Variants in EXOC7 observed in about 807,000 individuals in gnomAD.
The protein encoded by EXOC7 is exocyst complex component Exo70.
Under a neutral mutation model 87.6 loss-of-function variants are expected in EXOC7, and 51 were observed. That is an observed-to-expected ratio of 0.58 (90% CI 0.46 to 0.73). The LOEUF (loss-of-function observed/expected upper bound fraction) is 0.73, where lower values mean the gene tolerates loss of function less well. Among genes scored for constraint, EXOC7 ranks in the 30% least tolerant of loss-of-function variants. The pLI, the probability that EXOC7 is intolerant of heterozygous loss-of-function variation, is 0.00. For synonymous variants in EXOC7, 327 were observed against 357.1 expected (o/e 0.92, Z 0.95); for missense variants, 744 against 888.4 (o/e 0.84, Z 2.07).
Position 76,083,998 on chromosome 17 carries a change from G to T in EXOC7, c.1952+8C>A. The T allele has an allele frequency of 6.4e-7, 1 of 1,556,242 alleles. No homozygotes were observed. The highest frequency in any genetic ancestry group is 8.7e-7 in the Non-Finnish European group (1 of 1,155,664). ...CAGCACAGGCTGGGAGGGGAATGGA[G>T]GCCTCACTTCTGTAGAAAGGCCCCG... is the stretch of plus-strand genomic sequence containing the variant. On this transcript the variant is annotated splice_region_variant and intron_variant, in intron 18 of 18. Transcript: ENST00000589210.
chr17:76,090,730 G>T, intron 7 of EXOC7: 1 of 561,402 alleles, frequency 1.8e-6, no homozygotes, highest in South Asian at 2.2e-5. Context: ...CGCTGTATTT[G>T]GGGAAAGCCC....
chr17:76,099,062 T>C (rs1232378710), intron 4 of EXOC7, among the ~76,000 whole-genome samples: 3 of 152,288 alleles, frequency 2.0e-5, no homozygotes, highest in East Asian at 1.9e-4. Context: ...TTGTAAACTA[T>C]GTATCTGATA....
rs1776576973 is a variant in EXOC7 at position 76,088,513 on chromosome 17, A to G, written c.1250T>C (p.Met417Thr). The G allele has an allele frequency of 1.2e-6, 2 of 1,613,962 alleles. No individual in the cohort carries two copies. Among genetic ancestry groups the G allele is most frequent in the African/African-American group, 2.7e-5 (2 of 74,942 alleles). The change falls in exon 10 of 19, where the codon ATG (methionine) becomes ACG (threonine). Residue 417 changes from methionine to threonine, a missense_variant. By Grantham distance (81) the Met-to-Thr change is moderately conservative. Coordinates refer to ENST00000589210, the MANE Select transcript of EXOC7 (RefSeq NM_001013839.4). Reference protein sequence around the residue: ...KNKLPGLITSMETIGAKALED... With the variant: ...KNKLPGLITSTETIGAKALED... Reference sequence around the variant, plus strand: ...CAGCGCTTTGGCACCGATGGTCTCCATGGATGTGATGAGGCCAGGCAGCTT... The same window carrying G: ...CAGCGCTTTGGCACCGATGGTCTCCGTGGATGTGATGAGGCCAGGCAGCTT...
intron 3 of EXOC7, 42 bp downstream of exon 3, chr17:76,101,637 A>G: frequency 6.4e-7 from 1 of 1,572,940 alleles, no homozygotes; most frequent in Non-Finnish European, 8.6e-7. Context: ...CTGTTGGCCC[A>G]GGAGGCATTA....
rs755460772 is a variant in EXOC7 at position 76,082,014 on chromosome 17, G to C, written c.*1634C>G. 6.8e-6 allele frequency: 11 copies of C among 1,611,428 alleles called. 1 individual carries two copies. The East Asian group carries it at 8.9e-5, about 13-fold the overall frequency. ...AGCCCAGCCCCGAGAGGGGAACAGCGAGAGCACGGCAACCCAGGGCCTCAT... is the reference window on the plus strand; with the variant it reads ...AGCCCAGCCCCGAGAGGGGAACAGCCAGAGCACGGCAACCCAGGGCCTCAT... On this transcript the variant is annotated 3_prime_UTR_variant, in exon 19 of 19. Transcript: ENST00000589210.
intron 7 of EXOC7, 57 bp from the exon 8 acceptor site, chr17:76,089,377 G>C: frequency 6.3e-7 from 1 of 1,599,784 alleles, no homozygotes; most frequent in Non-Finnish European, 8.5e-7. Context: ...ACTCCTGGCT[G>C]GGGGCGGCGT....
chr17:76,089,626 G>A (rs757094808), intron 7 of EXOC7: 25 of 440,268 alleles, frequency 5.7e-5, no homozygotes, highest in Non-Finnish European at 8.5e-5. Flanking sequence ...CTGAATCAGC[G>A]TCCTGGATAA....
In EXOC7 at chr17:76,082,209, G is replaced by A. The variant is rs2067011957; in HGVS notation, c.*1439C>T. Reference sequence around the variant, plus strand: ...TGTCCTCCTCCCTTAGAAGAAACAGGTCTGGGGCAGGGAGCAAGCTGAGCC... The same window carrying A: ...TGTCCTCCTCCCTTAGAAGAAACAGATCTGGGGCAGGGAGCAAGCTGAGCC... On this transcript the variant is annotated 3_prime_UTR_variant, in exon 19 of 19. Transcript: ENST00000589210. 2.0e-6 allele frequency: 2 copies of A among 993,326 alleles called. No individual in the cohort carries two copies. The highest frequency in any genetic ancestry group is 2.9e-6 in the Non-Finnish European group (2 of 693,020). 61.5% of individuals were successfully genotyped at this position (993,326 alleles called of 1,614,324 possible). A position where few individuals can be genotyped will look rare whatever the true frequency, so the allele number is the denominator to read the frequency against.
intron 3 of EXOC7, 137 bp downstream of exon 3, chr17:76,101,542 T>C: frequency 7.5e-7 from 1 of 1,340,878 alleles, no homozygotes. Flanking sequence ...TCTCACTGTG[T>C]TGTCCAGACT....
At chr17:76,091,949 G>GA (rs1426126631) in intron 6 of EXOC7, among the ~76,000 whole-genome samples, 2 of 152,222 alleles carry the variant, frequency 1.3e-5, no homozygotes, top group Non-Finnish European at 2.9e-5. Flanking sequence ...GCATGGGGGA[G>GA]AAAAACAATA....
chr17:76,084,210 C>T, intron 17 of EXOC7, 38 bp downstream of exon 17: 4 of 1,605,232 alleles, frequency 2.5e-6, no homozygotes, highest in Non-Finnish European at 3.4e-6. Context: ...GCCTCAACAG[C>T]AGCAGCAAGC....
chr17:76,097,440 A>G (rs994427680), intron 5 of EXOC7, among the ~76,000 whole-genome samples: 1 of 151,980 alleles, frequency 6.6e-6, no homozygotes, highest in African/African-American at 2.4e-5. Flanking sequence ...ATGGTGGCTC[A>G]CATCTGTAAT....
intron 8 of EXOC7, 81 bp from the exon 9 acceptor site, chr17:76,089,004 G>C: frequency 4.7e-6 from 7 of 1,494,428 alleles, no homozygotes; most frequent in Non-Finnish European, 6.4e-6. Flanking sequence ...CTTGCAGTAT[G>C]TAGGGGGGCC....
At position 76,081,821 on chromosome 17, in the gene EXOC7, C is replaced by T; in HGVS notation, c.*1827G>A. ...CGGTCACCCACTGGTGCTCAGCTCGCTGGGCACCAGAGACACAGGGACTGG... is the reference window on the plus strand; with the variant it reads ...CGGTCACCCACTGGTGCTCAGCTCGTTGGGCACCAGAGACACAGGGACTGG... On this transcript the variant is annotated 3_prime_UTR_variant, in exon 19 of 19. Coordinates refer to ENST00000589210, the MANE Select transcript of EXOC7 (RefSeq NM_001013839.4). 1 of 1,611,080 alleles carries T rather than the reference C, an allele frequency of 6.2e-7. No homozygotes were observed. The highest frequency in any genetic ancestry group is 8.5e-7 in the Non-Finnish European group (1 of 1,177,888).
intron 14 of EXOC7, 129 bp from the exon 15 acceptor site, chr17:76,085,538 G>A (rs2067173611): frequency 4.0e-6 from 6 of 1,511,280 alleles, no homozygotes; most frequent in East Asian, 2.3e-5. Flanking sequence ...CCCACCTTCC[G>A]GGTCCTGGGG....
At chr17:76,087,249 G>A in intron 12 of EXOC7, 1 of 374,052 alleles carries the variant, frequency 2.7e-6, no homozygotes, top group Non-Finnish European at 4.9e-6. Flanking sequence ...GGCAGGGCCA[G>A]CAGGAAGACG....
intron 2 of EXOC7, 62 bp from the exon 3 acceptor site, chr17:76,101,925 C>T: frequency 1.4e-6 from 2 of 1,412,528 alleles, no homozygotes; most frequent in Admixed American, 4.4e-5. Context: ...CTTCTACACA[C>T]CCACCTTCGG....
chr17:76,083,751 C>T lies in EXOC7; in HGVS notation c.1953-1G>A. The stretch of plus-strand genomic sequence containing the variant: ...CTTGGTGAAGGGCACGCTGCCAAAC[C>T]TGAGGAGGCACTGTGGTCAGGGGAC... On this transcript the variant is annotated splice_acceptor_variant, in intron 18 of 18. Coordinates refer to ENST00000589210, the MANE Select transcript of EXOC7 (RefSeq NM_001013839.4). LOFTEE classifies it high-confidence loss of function. 1 of 1,612,868 alleles carries T rather than the reference C, an allele frequency of 6.2e-7. No homozygotes were observed. The highest frequency in any genetic ancestry group is 8.5e-7 in the Non-Finnish European group (1 of 1,179,896).
In EXOC7 at chr17:76,087,767, C is replaced by T. The variant is rs1383133161; in HGVS notation, c.1363-47G>A. On this transcript the variant is annotated intron_variant, in intron 11 of 18. Transcript: ENST00000589210. ...CAGAAGGGCAAGTGGCAGGCCCGGC[C>T]GACGGCCTCCCACAGCGACCCCTCT... The T allele has an allele frequency of 1.9e-5, 29 of 1,542,128 alleles. No homozygotes were observed. The East Asian group carries it at 5.6e-4, about 30-fold the overall frequency.
Sources: allele counts gnomAD v4.1 joint callset (sites outside exome capture counted in the v4.1 genomes callset), GRCh38; gene constraint gnomAD v4.1.1; transcripts MANE v1.5; gene names NCBI Gene and HGNC (gene_info 2026-07-23, HGNC 2026-07-21).